Variants in INTS9 observed in about 807,000 individuals in gnomAD.
INTS9 encodes the protein integrator complex subunit 9.
Under a neutral mutation model 79.7 loss-of-function variants are expected in INTS9, and 55 were observed. The observed-to-expected ratio is 0.69, with a 90% confidence interval of 0.56 to 0.86. The LOEUF is 0.86. Among genes scored for constraint, INTS9 ranks in the 40% least tolerant of loss-of-function variants. The pLI is 0.00. For missense variants in INTS9, 721 were observed against 831.5 expected (o/e 0.87, Z 1.64); for synonymous variants, 319 against 325.2 (o/e 0.98, Z 0.20).
At chr8:28,843,310 G>A (rs73552972) in intron 4 of INTS9, among the ~76,000 whole-genome samples, 13,133 of 152,228 alleles carry the variant, frequency 0.086, 693 homozygotes, top group East Asian at 0.26. Flanking sequence ...CCTCCTTTAA[G>A]TGTTAGAACT....
chr8:28,831,558 G>A (rs987971844), intron 6 of INTS9, among the ~76,000 whole-genome samples: 1 of 152,206 alleles, frequency 6.6e-6, no homozygotes, highest in East Asian at 1.9e-4. Flanking sequence ...CATACTCTCC[G>A]TAATGTAGGT....
intron 14 of INTS9, among the ~76,000 whole-genome samples, chr8:28,772,042 G>T (rs563645846): frequency 6.6e-6 from 1 of 152,098 alleles, no homozygotes; most frequent in South Asian, 2.1e-4. Flanking sequence ...TTATTTTTTT[G>T]TAGATACGGG....
At chr8:28,879,931 G>A (rs561232844) in intron 1 of INTS9, among the ~76,000 whole-genome samples, 1 of 151,976 alleles carries the variant, frequency 6.6e-6, no homozygotes, top group Non-Finnish European at 1.5e-5. Flanking sequence ...TTGGAGTAAT[G>A]GAAATGCGCT....
At chr8:28,854,000 C>A (rs1447049629) in intron 2 of INTS9, among the ~76,000 whole-genome samples, 1 of 152,096 alleles carries the variant, frequency 6.6e-6, no homozygotes, top group Non-Finnish European at 1.5e-5. Flanking sequence ...GGATTACAGG[C>A]GTAAGCCACC....
At chr8:28,835,598 A>C (rs571312173) in intron 5 of INTS9, among the ~76,000 whole-genome samples, 18 of 152,322 alleles carry the variant, frequency 1.2e-4, no homozygotes, top group Admixed American at 3.3e-4. Flanking sequence ...TTCTGAACTT[A>C]AATAATTTAA....
At chr8:28,795,414 G>A (rs1804149303) in intron 9 of INTS9, among the ~76,000 whole-genome samples, 1 of 152,084 alleles carries the variant, frequency 6.6e-6, no homozygotes, top group Non-Finnish European at 1.5e-5. Context: ...GGCCGAGGCG[G>A]ACGGATCATG....
chr8:28,784,866 A>G (rs929875780), intron 11 of INTS9, among the ~76,000 whole-genome samples: 1 of 152,242 alleles, frequency 6.6e-6, no homozygotes, highest in Non-Finnish European at 1.5e-5. Flanking sequence ...ACTGTTATCA[A>G]TGCTCCTAAT....
At chr8:28,876,958 A>C (rs1272692403) in intron 1 of INTS9, among the ~76,000 whole-genome samples, 4 of 152,152 alleles carry the variant, frequency 2.6e-5, no homozygotes, top group Non-Finnish European at 5.9e-5. Context: ...AAATAAAGGA[A>C]AAGACATGTC....
At chr8:28,793,460 C>T (rs1306460099) in intron 10 of INTS9, among the ~76,000 whole-genome samples, 4 of 152,138 alleles carry the variant, frequency 2.6e-5, no homozygotes, top group African/African-American at 9.7e-5. Flanking sequence ...TTTTAGACAA[C>T]ATGAGATTGG....
At chr8:28,873,150 T>A (rs1809187053) in intron 1 of INTS9, among the ~76,000 whole-genome samples, 1 of 152,208 alleles carries the variant, frequency 6.6e-6, no homozygotes, top group African/African-American at 2.4e-5. Context: ...GAACTCTCAT[T>A]AGTTTAGTCA....
chr8:28,783,290 C>T (rs1041136378), intron 11 of INTS9, among the ~76,000 whole-genome samples: 1 of 152,138 alleles, frequency 6.6e-6, no homozygotes, highest in Non-Finnish European at 1.5e-5. Context: ...AAGGCAATAG[C>T]AAAGACAGTT....
At chr8:28,820,225 TTGA>T (rs1461516197) in intron 6 of INTS9, among the ~76,000 whole-genome samples, 4 of 152,260 alleles carry the variant, frequency 2.6e-5, no homozygotes, top group African/African-American at 9.6e-5. Flanking sequence ...TGCTCGTTAG[TTGA>T]TGCAGTTTCT....
At chr8:28,889,546 T>A (rs1810474204) in intron 1 of INTS9, among the ~76,000 whole-genome samples, 1 of 152,146 alleles carries the variant, frequency 6.6e-6, no homozygotes, top group Admixed American at 6.5e-5. Context: ...AACAGCCTAT[T>A]ATAACCCTCA....
At position 28,815,031 on chromosome 8, in the gene INTS9, A is replaced by G. The variant is rs1000513061; in HGVS notation, c.489-1419T>C. On this transcript the variant is annotated intron_variant, in intron 6 of 16. Coordinates refer to ENST00000521022, the MANE Select transcript of INTS9 (RefSeq NM_018250.4). ...AGCCAAGGACTACCATAAATTTGAG[A>G]AAAGTCTCTAAAATAATAAAGGCCT... is the stretch of plus-strand genomic sequence containing the variant. Among the ~76,000 whole-genome samples the G allele has an allele frequency of 8.5e-5, 13 of 152,200 alleles. 1 individual carries two copies. The highest frequency in any genetic ancestry group is 1.0e-4 in the Non-Finnish European group (7 of 68,028).
At chr8:28,791,073 T>C (rs1803892485) in intron 10 of INTS9, among the ~76,000 whole-genome samples, 1 of 152,198 alleles carries the variant, frequency 6.6e-6, no homozygotes, top group South Asian at 2.1e-4. Context: ...CAGTAAGTCC[T>C]GCCCCTTGTA....
At chr8:28,870,780 G>A (rs908441648) in intron 1 of INTS9, among the ~76,000 whole-genome samples, 1 of 152,154 alleles carries the variant, frequency 6.6e-6, no homozygotes. Context: ...TTTCAACGCA[G>A]ACAAAAGTGT....
chr8:28,861,354 A>C (rs1016468629), intron 1 of INTS9, among the ~76,000 whole-genome samples: 3 of 152,258 alleles, frequency 2.0e-5, no homozygotes, highest in African/African-American at 7.2e-5. Flanking sequence ...CTATCTCAAA[A>C]TGAACACAAA....
intron 11 of INTS9, among the ~76,000 whole-genome samples, chr8:28,781,364 C>G (rs1803254587): frequency 6.6e-6 from 1 of 152,110 alleles, no homozygotes. Context: ...ATAAAATGGC[C>G]AAAATCCAGA....
At chr8:28,806,655 T>C (rs1804834629) in intron 8 of INTS9, among the ~76,000 whole-genome samples, 1 of 152,262 alleles carries the variant, frequency 6.6e-6, no homozygotes, top group Non-Finnish European at 1.5e-5. Flanking sequence ...CATCAGGATA[T>C]GTTTATTATA....
Sources: gnomAD v4.1 joint callset for allele counts (sites outside exome capture counted in the v4.1 genomes callset) on GRCh38, gnomAD v4.1.1 for gene constraint, MANE v1.5 for transcripts, NCBI Gene and HGNC (gene_info 2026-07-23, HGNC 2026-07-21) for gene names.